The following ST6GALNAC3 variants were observed in gnomAD, a reference collection of about 807,000 sequenced individuals.
ST6GALNAC3 encodes the protein ST6 N-acetylgalactosaminide alpha-2,6-sialyltransferase 3.
In ST6GALNAC3, 25 loss-of-function variants were observed where a neutral mutation model predicts 32.7. That is an observed-to-expected ratio of 0.76 (90% confidence interval 0.56 to 1.07). The LOEUF is 1.07. ST6GALNAC3 is among the 50% of genes least tolerant of loss of function. The pLI, the probability that ST6GALNAC3 is intolerant of heterozygous loss-of-function variation, is 0.00. For missense variants in ST6GALNAC3, 355 were observed against 382.4 expected, an observed-to-expected ratio of 0.93 and a Z score of 0.60; for synonymous variants, 129 against 133.1, an observed-to-expected ratio of 0.97 and a Z score of 0.21.
intron 3 of ST6GALNAC3, among the ~76,000 whole-genome samples, chr1:76,464,728 A>G (rs547455323): frequency 6.6e-6 from 1 of 152,318 alleles, no homozygotes; most frequent in African/African-American, 2.4e-5. Context: ...TTAAATTATC[A>G]TTATATTTAA....
chr1:76,576,355 A>G (rs1429650268), intron 3 of ST6GALNAC3, among the ~76,000 whole-genome samples: 3 of 152,082 alleles, frequency 2.0e-5, no homozygotes, highest in Non-Finnish European at 4.4e-5. Context: ...ATGTCCTGAT[A>G]AACTGAAGTT....
chr1:76,149,345 T>C (rs909408403), intron 1 of ST6GALNAC3, among the ~76,000 whole-genome samples: 1 of 152,158 alleles, frequency 6.6e-6, no homozygotes, highest in Non-Finnish European at 1.5e-5. Flanking sequence ...AAACATGAGG[T>C]TACTCTCTGT....
chr1:76,143,358 T>A (rs1224746569), intron 1 of ST6GALNAC3, among the ~76,000 whole-genome samples: 2 of 151,030 alleles, frequency 1.3e-5, no homozygotes, highest in African/African-American at 4.9e-5. Flanking sequence ...GCAAAAGTAC[T>A]CTCCCAGGAC....
intron 1 of ST6GALNAC3, among the ~76,000 whole-genome samples, chr1:76,275,093 G>A (rs547346430): frequency 3.9e-5 from 6 of 152,278 alleles, no homozygotes; most frequent in African/African-American, 9.6e-5. Flanking sequence ...CCAGCTTCTC[G>A]GCTTTTGATA....
At chr1:76,558,618 G>T (rs1270447468) in intron 3 of ST6GALNAC3, among the ~76,000 whole-genome samples, 1 of 152,112 alleles carries the variant, frequency 6.6e-6, no homozygotes, top group African/African-American at 2.4e-5. Context: ...TGGGAGGGGA[G>T]GAAGGGCTGA....
At chr1:76,187,299 C>T (rs1355292068) in intron 1 of ST6GALNAC3, among the ~76,000 whole-genome samples, 1 of 152,120 alleles carries the variant, frequency 6.6e-6, no homozygotes, top group Non-Finnish European at 1.5e-5. Context: ...TCTATAATTG[C>T]TTACTTGATA....
chr1:76,149,681 G>T (rs187675701), intron 1 of ST6GALNAC3, among the ~76,000 whole-genome samples: 1,882 of 152,012 alleles, frequency 0.012, 40 homozygotes, highest in African/African-American at 0.043. Flanking sequence ...TTGTTCCATT[G>T]TGTATTTTTA....
intron 2 of ST6GALNAC3, among the ~76,000 whole-genome samples, chr1:76,365,308 A>G (rs1304543072): frequency 6.6e-6 from 1 of 152,130 alleles, no homozygotes; most frequent in Non-Finnish European, 1.5e-5. Context: ...GAAATAATAG[A>G]CACTGGGGAC....
At chr1:76,085,355 T>C (rs1646950755) in intron 1 of ST6GALNAC3, among the ~76,000 whole-genome samples, 1 of 152,204 alleles carries the variant, frequency 6.6e-6, no homozygotes, top group African/African-American at 2.4e-5. Context: ...TCAGTGGACT[T>C]TAAGAACCAC....
chr1:76,162,872 G>A (rs150617324), intron 1 of ST6GALNAC3, among the ~76,000 whole-genome samples: 2 of 152,210 alleles, frequency 1.3e-5, no homozygotes, highest in East Asian at 1.9e-4. Context: ...AAAGGTTGAC[G>A]TGAAGGACAA....
intron 3 of ST6GALNAC3, among the ~76,000 whole-genome samples, chr1:76,437,852 G>A (rs924299066): frequency 1.3e-5 from 2 of 151,818 alleles, no homozygotes; most frequent in Admixed American, 1.3e-4. Context: ...GAGATTATAG[G>A]CGTGAACCAC....
chr1:76,604,344 A>G (rs1160198689), intron 3 of ST6GALNAC3, among the ~76,000 whole-genome samples: 1 of 152,242 alleles, frequency 6.6e-6, no homozygotes, highest in Non-Finnish European at 1.5e-5. Context: ...AGCACCTAAT[A>G]TGGCTGCTAG....
At chr1:76,426,181 C>T (rs1655370115) in intron 3 of ST6GALNAC3, among the ~76,000 whole-genome samples, 1 of 151,788 alleles carries the variant, frequency 6.6e-6, no homozygotes, top group Non-Finnish European at 1.5e-5. Context: ...ACTCTATTTT[C>T]CTTTATGTTA....
intron 2 of ST6GALNAC3, among the ~76,000 whole-genome samples, chr1:76,383,213 A>C (rs532639780): frequency 6.6e-6 from 1 of 152,266 alleles, no homozygotes; most frequent in African/African-American, 2.4e-5. Context: ...TGGATAAACA[A>C]AAGCAGGTAA....
chr1:76,627,600 G>A (rs1649056766), intron 4 of ST6GALNAC3, 41 bp downstream of exon 4: 1 of 1,378,840 alleles, frequency 7.3e-7, no homozygotes, highest in Admixed American at 1.7e-5. Context: ...CTCCAATTCG[G>A]AGATCTTGTC....
chr1:76,117,512 C>A (rs1570036914), intron 1 of ST6GALNAC3, among the ~76,000 whole-genome samples: 1 of 152,144 alleles, frequency 6.6e-6, no homozygotes, highest in African/African-American at 2.4e-5. Context: ...TTAGCTTAAA[C>A]CTAAAATGTG....
At chr1:76,582,162 T>C (rs1476574036) in intron 3 of ST6GALNAC3, among the ~76,000 whole-genome samples, 1 of 152,210 alleles carries the variant, frequency 6.6e-6, no homozygotes, top group African/African-American at 2.4e-5. Context: ...ATGTTGACTC[T>C]GACGTGCAGA....
chr1:76,157,954 G>C (rs902193896), intron 1 of ST6GALNAC3, among the ~76,000 whole-genome samples: 2 of 152,140 alleles, frequency 1.3e-5, no homozygotes, highest in African/African-American at 4.8e-5. Context: ...ATTGCCCACG[G>C]TTTCTTGGCT....
intron 1 of ST6GALNAC3, among the ~76,000 whole-genome samples, chr1:76,095,319 A>T (rs1284852781): frequency 6.6e-6 from 1 of 152,170 alleles, no homozygotes; most frequent in Non-Finnish European, 1.5e-5. Flanking sequence ...TCTCTAGTGT[A>T]AGCAATTTTA....
Sources: gnomAD v4.1 joint callset for allele counts (sites outside exome capture counted in the v4.1 genomes callset) on GRCh38, gnomAD v4.1.1 for gene constraint, MANE v1.5 for transcripts, NCBI Gene and HGNC (gene_info 2026-07-23, HGNC 2026-07-21) for gene names.